The following TCF25 variants were observed in gnomAD, a reference collection of about 807,000 sequenced individuals.
TCF25 encodes TCF25 ribosome quality control complex subunit, also known as ribosome quality control complex subunit TCF25.
Under a neutral mutation model 83.1 loss-of-function variants are expected in TCF25, and 41 were observed. The ratio of observed to expected loss-of-function variants is 0.49; its 90% CI spans 0.38 to 0.64. The LOEUF (loss-of-function observed/expected upper bound fraction) is 0.64. TCF25 is among the 30% of genes least tolerant of loss of function. The pLI is 0.00. For synonymous variants in TCF25, 458 were observed against 365.0 expected (o/e 1.25, Z -2.90); for missense variants, 979 against 914.5 (o/e 1.07, Z -0.91).
intron 14 of TCF25, among the ~76,000 whole-genome samples, chr16:89,905,486 C>T (rs2044700184): frequency 6.6e-6 from 1 of 152,196 alleles, no homozygotes; most frequent in African/African-American, 2.4e-5. Context: ...GAGGCTCATG[C>T]CCTAATATGC....
intron 11 of TCF25, among the ~76,000 whole-genome samples, chr16:89,899,724 G>A (rs535761696): frequency 6.7e-6 from 1 of 149,024 alleles, no homozygotes; most frequent in Middle Eastern, 3.4e-3. Flanking sequence ...GTGAAACTCC[G>A]TCTCAAAAAA....
At chr16:89,907,732 G>A (rs548908985) in intron 16 of TCF25, among the ~76,000 whole-genome samples, 2 of 38,402 alleles carry the variant, frequency 5.2e-5, no homozygotes, top group East Asian at 7.4e-4. Context: ...CCACCTTCCA[G>A]CTCCCGCCTC....
In TCF25 at chr16:89,911,199, G is replaced by T. The variant is rs113661357; in HGVS notation, c.1992G>T (p.Pro664=). The change falls in exon 18 of 18, where the codon CCG becomes CCT. Residue 664 remains proline (P), a synonymous_variant. Transcript: ENST00000263346. ...ANFHLNDLEA[P]HEDDAEGEGE... ...TCCACCTCAACGACCTGGAGGCGCC[G>T]CACGAGGACGACGCTGAGGGGGAGG... 1 of 1,612,440 alleles carries T rather than the reference G, an allele frequency of 6.2e-7. No individual in the cohort carries two copies. Among genetic ancestry groups the T allele is most frequent in the Non-Finnish European group, 8.5e-7 (1 of 1,179,938 alleles).
chr16:89,895,851 A>G (rs1050779666), intron 8 of TCF25, 139 bp from the exon 9 acceptor site: 3 of 687,854 alleles, frequency 4.4e-6, no homozygotes, highest in African/African-American at 1.8e-5. Context: ...GCCCAGGGGC[A>G]TGTCTGCCCT....
At chr16:89,886,834 G>A (rs1307234703) in intron 4 of TCF25, among the ~76,000 whole-genome samples, 1 of 152,036 alleles carries the variant, frequency 6.6e-6, no homozygotes, top group Admixed American at 6.6e-5. Context: ...CCACTCAGGA[G>A]GCTGAGGCAG....
At chr16:89,909,019 G>A (rs2045320584) in intron 16 of TCF25, 2 of 1,289,442 alleles carry the variant, frequency 1.6e-6, no homozygotes, top group African/African-American at 3.0e-5. Context: ...CTCTGCGTTT[G>A]CAGGCCACGT....
At chr16:89,883,549 G>A (rs1299367708) in intron 2 of TCF25, 37 bp downstream of exon 2, 4 of 1,555,222 alleles carry the variant, frequency 2.6e-6, no homozygotes, top group Non-Finnish European at 3.5e-6. Flanking sequence ...GCATCAGACG[G>A]GAGAGTTCCA....
At chr16:89,908,556 GTTCCCACCTCTTTCCTCGCAGTTCCCA>G in intron 16 of TCF25, among the ~76,000 whole-genome samples, 1 of 93,538 alleles carries the variant, frequency 1.1e-5, no homozygotes. Context: ...CCACCTTCCA[GTTCCCACCTCTTTCCTCGCAGTTCCCA>G]CCTCCCAGCT....
At chr16:89,890,173 C>G (rs566775811) in intron 5 of TCF25, 1 of 152,486 alleles carries the variant, frequency 6.6e-6, no homozygotes, top group South Asian at 2.1e-4. Context: ...CCCGGCCTCC[C>G]AAAGTGCTGG....
intron 16 of TCF25, chr16:89,909,065 G>T (rs140661381): frequency 3.1e-6 from 4 of 1,289,418 alleles, no homozygotes; most frequent in African/African-American, 1.5e-5. Flanking sequence ...AAGCGCTTGC[G>T]TGTCGGCCTC....
chr16:89,900,599 T>C, intron 11 of TCF25, 36 bp from the exon 12 acceptor site: 1 of 1,547,562 alleles, frequency 6.5e-7, no homozygotes, highest in Non-Finnish European at 8.8e-7. Context: ...TCTTTATGAC[T>C]TAAGGCTCCA....
chr16:89,901,343 C>A (rs1313306386), intron 12 of TCF25, among the ~76,000 whole-genome samples: 1 of 152,214 alleles, frequency 6.6e-6, no homozygotes, highest in African/African-American at 2.4e-5. Context: ...TGAAATCCCT[C>A]TTTAAGATGG....
In TCF25 at chr16:89,893,861, G is replaced by A. The variant is rs769304625; in HGVS notation, c.828+3G>A. The stretch of plus-strand genomic sequence containing the variant: ...CTATGGAGCCGAACAACATCGTGGT[G>A]CGTGGTCCCTGCAGCCCCTGACAGG... On this transcript the variant is annotated splice_donor_region_variant and intron_variant, in intron 7 of 17. Coordinates refer to ENST00000263346, the MANE Select transcript of TCF25 (RefSeq NM_014972.3). 4 of 1,600,536 alleles carry A rather than the reference G, an allele frequency of 2.5e-6. No individual in the cohort carries two copies. In the Admixed American group the frequency reaches 6.8e-5, roughly 27 times the overall value.
chr16:89,885,977 C>CGCCCTTCTCTGCAGCT lies in TCF25; in HGVS notation c.548+23_548+24insAGCTGCCCTTCTCTGC, dbSNP rs2042976355. 12 of 1,514,826 alleles carry CGCCCTTCTCTGCAGCT rather than the reference C, an allele frequency of 7.9e-6. No individual in the cohort carries two copies. The highest frequency in any genetic ancestry group is 3.3e-5 in the African/African-American group (2 of 60,704). The allele number at this position is 1,514,826 out of a possible 1,614,324, so 93.8% of individuals were successfully genotyped here. ...CTACGTGGAGCACAGGTGTGGCCCC[C>CGCCCTTCTCTGCAGCT]GCCCTTCTCTGCGGCTGCCCTTCTC... is the stretch of plus-strand genomic sequence containing the variant. On this transcript the variant is annotated intron_variant, in intron 4 of 17. Coordinates refer to ENST00000263346, the MANE Select transcript of TCF25 (RefSeq NM_014972.3).
chr16:89,904,642 T>C, intron 13 of TCF25: 1 of 538,300 alleles, frequency 1.9e-6, no homozygotes, highest in South Asian at 1.9e-5. Context: ...GGTCATCCCC[T>C]GGCCCTCCAG....
At position 89,892,354 on chromosome 16, in the gene TCF25, G is replaced by A. The variant is rs1480684044; in HGVS notation, c.697+79G>A. 14 of 1,500,126 alleles carry A rather than the reference G, an allele frequency of 9.3e-6. No homozygotes were observed. In the Middle Eastern group the frequency reaches 7.4e-4, roughly 79 times the overall value. 92.9% of individuals were successfully genotyped at this position (1,500,126 alleles called of 1,614,324 possible). A position where few individuals can be genotyped will look rare whatever the true frequency, so the allele number is the denominator to read the frequency against. On this transcript the variant is annotated intron_variant, in intron 6 of 17. Coordinates refer to ENST00000263346, the MANE Select transcript of TCF25 (RefSeq NM_014972.3). ...CACTGGCCCCGGTACAGCAAACCAG[G>A]TGAGGGTCTGCAGAGGCTGCTGGGG...
chr16:89,906,457 G>A (rs1483463594), intron 15 of TCF25, among the ~76,000 whole-genome samples, 173 bp downstream of exon 15: 1 of 152,168 alleles, frequency 6.6e-6, no homozygotes, highest in African/African-American at 2.4e-5. Context: ...CTGGCAGCCC[G>A]GGTTCGGATG....
At chr16:89,894,150 G>C (rs138202212) in intron 7 of TCF25, among the ~76,000 whole-genome samples, 12 of 152,276 alleles carry the variant, frequency 7.9e-5, no homozygotes, top group African/African-American at 2.9e-4. Flanking sequence ...CAGGACTCTG[G>C]GGCTTCTCAC....
intron 9 of TCF25, among the ~76,000 whole-genome samples, chr16:89,897,900 G>A (rs532306717): frequency 2.2e-4 from 34 of 152,316 alleles, no homozygotes; most frequent in African/African-American, 8.2e-4. Flanking sequence ...TGGATCACAA[G>A]ATCAGGAGAT....
Sources: allele counts gnomAD v4.1 joint callset (sites outside exome capture counted in the v4.1 genomes callset), GRCh38; gene constraint gnomAD v4.1.1; transcripts MANE v1.5; gene names NCBI Gene and HGNC (gene_info 2026-07-23, HGNC 2026-07-21).